UGT1A8: variants seen among roughly 807,000 people sequenced by gnomAD.
The protein encoded by UGT1A8 is UDP glucuronosyltransferase family 1 member A8.
In UGT1A8, 39 loss-of-function variants were observed where a neutral mutation model predicts 45.3. The ratio of observed to expected loss-of-function variants is 0.86; its 90% CI spans 0.67 to 1.12. The LOEUF is 1.12. Ranked by LOEUF, UGT1A8 falls within the 50% of genes most tolerant of loss-of-function variation. The pLI is 0.00. For synonymous variants in UGT1A8, 275 were observed against 249.2 expected, an observed-to-expected ratio of 1.10 and a Z score of -0.97; for missense variants, 719 against 664.9, an observed-to-expected ratio of 1.08 and a Z score of -0.90.
intron 1 of UGT1A8, chr2:233,691,972 G>C (rs1349071943): frequency 6.6e-6 from 1 of 152,224 alleles, no homozygotes; most frequent in East Asian, 1.9e-4. Context: ...GATCCCTTTC[G>C]ATCACACCTA....
intron 1 of UGT1A8, chr2:233,648,964 G>T: frequency 5.6e-6 from 8 of 1,441,114 alleles, no homozygotes; most frequent in Non-Finnish European, 5.8e-6. Context: ...TCCCAAACCT[G>T]TGATGCCCAA....
At chr2:233,736,597 C>G (rs1162489027) in intron 1 of UGT1A8, among the ~76,000 whole-genome samples, 1 of 152,166 alleles carries the variant, frequency 6.6e-6, no homozygotes, top group African/African-American at 2.4e-5. Flanking sequence ...TGCTTATGCG[C>G]TATGGTTTTT....
At chr2:233,724,199 C>T (rs1410873416) in intron 1 of UGT1A8, among the ~76,000 whole-genome samples, 7 of 127,042 alleles carry the variant, frequency 5.5e-5, no homozygotes, top group African/African-American at 1.3e-4. Context: ...GGTGGCTGGC[C>T]GGGCTGAGGG....
chr2:233,746,482 T>A (rs1022385287), intron 1 of UGT1A8, among the ~76,000 whole-genome samples: 2 of 151,822 alleles, frequency 1.3e-5, no homozygotes, highest in Non-Finnish European at 2.9e-5. Context: ...ACACTTTCCA[T>A]GGACATGTCA....
intron 1 of UGT1A8, among the ~76,000 whole-genome samples, chr2:233,634,859 T>C (rs896957961): frequency 6.6e-6 from 1 of 150,736 alleles, no homozygotes; most frequent in Admixed American, 6.7e-5. Context: ...GCTAGCTGTT[T>C]ATTTTGCCTA....
intron 1 of UGT1A8, among the ~76,000 whole-genome samples, chr2:233,720,647 A>G (rs1240527051): frequency 6.6e-6 from 1 of 152,088 alleles, no homozygotes; most frequent in African/African-American, 2.4e-5. Flanking sequence ...CTGGGATGTG[A>G]AAAACCAAAT....
At position 233,618,472 on chromosome 2, in the gene UGT1A8, A is replaced by T. The variant is rs1042605; in HGVS notation, c.765A>T (p.Thr255=). 6.2e-7 allele frequency: 1 copy of T among 1,613,760 alleles called. No homozygotes were observed. The highest frequency in any genetic ancestry group is 1.3e-5 in the African/African-American group (1 of 74,864). ...YSHTSIWLLR[T]DFVLDYPKPV... ...ACACATCAATTTGGTTGTTGCGAAC[A>T]GACTTTGTTTTGGACTATCCCAAAC... The change falls in exon 1 of 5, where the codon ACA becomes ACT. Residue 255 remains threonine (T), a synonymous_variant. Transcript: ENST00000373450.
chr2:233,747,223 G>C, intron 1 of UGT1A8: 1 of 1,605,538 alleles, frequency 6.2e-7, no homozygotes, highest in Non-Finnish European at 8.5e-7. Context: ...GATGGCCACA[G>C]GACCCCAGGT....
At chr2:233,729,873 C>T (rs758100575) in intron 1 of UGT1A8, 1 of 1,613,864 alleles carries the variant, frequency 6.2e-7, no homozygotes, top group Non-Finnish European at 8.5e-7. Context: ...TGGATATTCT[C>T]AGTCATGCAT....
intron 1 of UGT1A8, among the ~76,000 whole-genome samples, chr2:233,661,683 T>C (rs549472792): frequency 1.3e-4 from 5 of 39,404 alleles, no homozygotes; most frequent in South Asian, 7.5e-4. Context: ...TTCTTTCTTT[T>C]TAAACAAAGG....
At chr2:233,712,212 A>T (rs1393545804) in intron 1 of UGT1A8, among the ~76,000 whole-genome samples, 1 of 152,178 alleles carries the variant, frequency 6.6e-6, no homozygotes, top group Non-Finnish European at 1.5e-5. Context: ...GGTGAGCAGG[A>T]GCTCCCTGAA....
intron 1 of UGT1A8, among the ~76,000 whole-genome samples, chr2:233,669,009 A>T (rs983650338): frequency 6.6e-6 from 1 of 152,210 alleles, no homozygotes; most frequent in East Asian, 1.9e-4. Context: ...TTATGGTAAC[A>T]CAGGGGTTAT....
chr2:233,712,023 T>C lies in UGT1A8; in HGVS notation c.856-55011T>C, dbSNP rs2076210876. 2.6e-5 allele frequency among the ~76,000 whole-genome samples: 4 copies of C among 152,212 alleles called. No homozygotes were observed. The South Asian group carries it at 8.3e-4, about 32-fold the overall frequency. ...TGGAGGAACCATTCTTATCAGAACT[T>C]GGTGCTGGATTGACTTGGAAAAAAG... On this transcript the variant is annotated intron_variant, in intron 1 of 4. Coordinates refer to ENST00000373450, the MANE Select transcript of UGT1A8 (RefSeq NM_019076.5).
chr2:233,743,560 C>T (rs1242175284), intron 1 of UGT1A8: 1 of 1,367,302 alleles, frequency 7.3e-7, no homozygotes. Context: ...AAATATTCTC[C>T]AGCGGGTTTC....
chr2:233,757,537 T>TATATATACATATACATATAC (rs1472416448), intron 1 of UGT1A8, among the ~76,000 whole-genome samples: 1 of 107,778 alleles, frequency 9.3e-6, no homozygotes, highest in African/African-American at 4.7e-5. Flanking sequence ...CTGTAAGGAA[T>TATATATACATATACATATAC]ATATATATAT....
intron 1 of UGT1A8, among the ~76,000 whole-genome samples, chr2:233,619,096 T>C (rs1051339870): frequency 6.6e-6 from 1 of 152,186 alleles, no homozygotes; most frequent in Non-Finnish European, 1.5e-5. Context: ...GTTTTGTGTA[T>C]ATTCTTTTCA....
At position 233,729,598 on chromosome 2, in the gene UGT1A8, G is replaced by A. The variant is rs775320084; in HGVS notation, c.856-37436G>A. The A allele has an allele frequency of 6.8e-5, 109 of 1,613,866 alleles. No homozygotes were observed. Among genetic ancestry groups the A allele is most frequent in the East Asian group, 3.1e-4 (14 of 44,894 alleles). ...TTTAACAGACCCCGTTAACCTCTGC[G>A]CGGCAGTGCTGGCTAAGTACCTGTC... On this transcript the variant is annotated intron_variant, in intron 1 of 4. Transcript: ENST00000373450.
At chr2:233,702,880 T>C (rs1399878885) in intron 1 of UGT1A8, among the ~76,000 whole-genome samples, 5 of 152,212 alleles carry the variant, frequency 3.3e-5, no homozygotes, top group Admixed American at 2.6e-4. Context: ...TTGAGGACTT[T>C]TGCATCATAT....
chr2:233,712,893 T>A, intron 1 of UGT1A8: 1 of 1,605,864 alleles, frequency 6.2e-7, no homozygotes, highest in Non-Finnish European at 8.5e-7. Context: ...ACATGTTGAT[T>A]TGCTAGGTGT....
Sources: allele counts gnomAD v4.1 joint callset (sites outside exome capture counted in the v4.1 genomes callset), GRCh38; gene constraint gnomAD v4.1.1; transcripts MANE v1.5; gene names NCBI Gene and HGNC (gene_info 2026-07-23, HGNC 2026-07-21).